CORIN: variants seen among roughly 807,000 people sequenced by gnomAD.
CORIN encodes corin, serine peptidase, also known as atrial natriuretic peptide-converting enzyme.
Under a neutral mutation model 125.3 loss-of-function variants are expected in CORIN, and 117 were observed. That is an observed-to-expected ratio of 0.93 (90% CI 0.80 to 1.09). CORIN has a LOEUF of 1.09. CORIN is among the 50% of genes least tolerant of loss of function. The probability of loss-of-function intolerance (pLI) is 0.00; values close to 1 mark genes in which losing one functional copy is unlikely to be tolerated. For synonymous variants in CORIN, 450 were observed against 466.4 expected, an observed-to-expected ratio of 0.96 and a Z score of 0.45; for missense variants, 1,253 against 1,306.7, an observed-to-expected ratio of 0.96 and a Z score of 0.63.
chr4:47,833,064 C>A (rs931658041), intron 1 of CORIN, among the ~76,000 whole-genome samples: 31 of 151,954 alleles, frequency 2.0e-4, no homozygotes, highest in African/African-American at 7.2e-4. Flanking sequence ...TAGGATGAGA[C>A]TGGATCCTCA....
At chr4:47,653,476 T>A in intron 13 of CORIN, 77 bp downstream of exon 13, 1 of 1,169,976 alleles carries the variant, frequency 8.5e-7, no homozygotes, top group Non-Finnish European at 1.3e-6. Flanking sequence ...GTGAATAGTT[T>A]CCATTTTTAA....
chr4:47,705,836 G>A (rs1289711093), intron 5 of CORIN, among the ~76,000 whole-genome samples: 1 of 150,082 alleles, frequency 6.7e-6, no homozygotes, highest in East Asian at 1.9e-4. Flanking sequence ...TAAAATATTT[G>A]TGAAGTGCCC....
Position 47,838,020 on chromosome 4 carries a change from C to CCG in CORIN, c.-72_-71insCG. On this transcript the variant is annotated 5_prime_UTR_variant, in exon 1 of 22. Coordinates refer to ENST00000273857, the MANE Select transcript of CORIN (RefSeq NM_006587.4). ...GCTTTTCTCTCCTCTACGTGTCCCC[C>CCG]GGGGAGGCACTACGGATGATTTTCT... 6.3e-7 allele frequency: 1 copy of CCG among 1,593,324 alleles called. No individual in the cohort carries two copies. Among genetic ancestry groups the CCG allele is most frequent in the South Asian group, 1.1e-5 (1 of 90,342 alleles).
intron 12 of CORIN, 28 bp downstream of exon 12, chr4:47,661,683 C>T: frequency 1.9e-6 from 3 of 1,583,596 alleles, no homozygotes; most frequent in South Asian, 1.2e-5. Flanking sequence ...ATGTTAGATA[C>T]CCTGCTGTAA....
chr4:47,669,328 T>C (rs1157269638), intron 10 of CORIN, among the ~76,000 whole-genome samples: 1 of 152,180 alleles, frequency 6.6e-6, no homozygotes, highest in Non-Finnish European at 1.5e-5. Flanking sequence ...ACATGAAAAA[T>C]GTGACTTTTC....
At chr4:47,689,953 A>G (rs1189957450) in intron 6 of CORIN, among the ~76,000 whole-genome samples, 1 of 152,192 alleles carries the variant, frequency 6.6e-6, no homozygotes, top group Non-Finnish European at 1.5e-5. Flanking sequence ...ACAGAGGTAG[A>G]CATTTCTAAA....
At chr4:47,625,879 A>C (rs2109562188) in intron 17 of CORIN, among the ~76,000 whole-genome samples, 1 of 152,274 alleles carries the variant, frequency 6.6e-6, no homozygotes, top group East Asian at 1.9e-4. Flanking sequence ...AGTAAGTGTA[A>C]ATTTCCTCAA....
intron 5 of CORIN, among the ~76,000 whole-genome samples, chr4:47,715,889 T>C (rs1218311469): frequency 2.0e-5 from 3 of 152,214 alleles, no homozygotes; most frequent in Non-Finnish European, 2.9e-5. Flanking sequence ...TGGAACGGGT[T>C]GGCAAAGGAA....
chr4:47,668,522 T>C (rs1246760278), intron 10 of CORIN, among the ~76,000 whole-genome samples: 1 of 152,230 alleles, frequency 6.6e-6, no homozygotes, highest in African/African-American at 2.4e-5. Flanking sequence ...GCTCTAACTC[T>C]ATGCTTTTTT....
intron 16 of CORIN, chr4:47,632,256 A>C (rs1560481090): frequency 6.6e-6 from 1 of 152,194 alleles, no homozygotes; most frequent in Non-Finnish European, 1.5e-5. Flanking sequence ...TCTTCCATCT[A>C]TTGATGGGGG....
intron 5 of CORIN, among the ~76,000 whole-genome samples, chr4:47,704,097 C>T (rs773317848): frequency 6.2e-4 from 94 of 152,306 alleles, no homozygotes; most frequent in Admixed American, 2.6e-3. Flanking sequence ...TGGATTCTTT[C>T]TCCCAGGCTC....
chr4:47,836,909 C>G (rs1992326), intron 1 of CORIN, among the ~76,000 whole-genome samples: 49,281 of 152,182 alleles, frequency 0.32, 9,770 homozygotes, highest in Non-Finnish European at 0.44. Flanking sequence ...CTAGCGTCAC[C>G]GGTCGGTCCC....
In CORIN at chr4:47,626,423, T is replaced by G. The variant is rs1483333224; in HGVS notation, c.2297A>C (p.His766Pro). Residue 766 changes from histidine to proline, a missense_variant, in exon 17 of 22, where the codon CAT becomes CCT. Physicochemically the swap from His to Pro is moderately conservative, Grantham distance 77 (BLOSUM62 -2). Transcript: ENST00000273857. ...TTCTTACCCATTTACTAGAAGTTCATGTAAAGTGGTCCCATTGAGGCTCTC... is the reference window on the plus strand; with the variant it reads ...TTCTTACCCATTTACTAGAAGTTCAGGTAAAGTGGTCCCATTGAGGCTCTC... Reference protein sequence around the residue: ...NWESLNGTTLHELLVNGQSCE... With the variant: ...NWESLNGTTLPELLVNGQSCE... The G allele has an allele frequency of 1.2e-6, 2 of 1,605,908 alleles. No individual in the cohort carries two copies. Among genetic ancestry groups the G allele is most frequent in the Non-Finnish European group, 1.7e-6 (2 of 1,172,656 alleles).
intron 5 of CORIN, chr4:47,706,526 G>C (rs1726565494): frequency 6.2e-7 from 1 of 1,611,398 alleles, no homozygotes; most frequent in Non-Finnish European, 8.5e-7. Flanking sequence ...CGCCAACTGG[G>C]CTACAAGGCC....
intron 5 of CORIN, among the ~76,000 whole-genome samples, chr4:47,699,947 G>A (rs938489842): frequency 3.3e-5 from 5 of 152,152 alleles, no homozygotes; most frequent in African/African-American, 1.2e-4. Context: ...TAAAATGGTA[G>A]GTTTTAGAAG....
chr4:47,653,712 T>G (rs1226535321), intron 12 of CORIN, 52 bp from the exon 13 acceptor site: 1 of 1,447,248 alleles, frequency 6.9e-7, no homozygotes, highest in South Asian at 1.2e-5. Context: ...AAACATCAGC[T>G]AATTTATGTA....
intron 6 of CORIN, among the ~76,000 whole-genome samples, chr4:47,692,497 G>C (rs1725813996): frequency 6.6e-6 from 1 of 151,886 alleles, no homozygotes; most frequent in South Asian, 2.1e-4. Flanking sequence ...TGAATCTACT[G>C]ATTAGTGGAT....
intron 11 of CORIN, among the ~76,000 whole-genome samples, chr4:47,664,135 C>T (rs1251987354): frequency 2.0e-5 from 3 of 152,178 alleles, no homozygotes; most frequent in Admixed American, 1.3e-4. Flanking sequence ...ATACCTACCC[C>T]TTGAGGGAAA....
At position 47,645,106 on chromosome 4, in the gene CORIN, AG is replaced by A; in HGVS notation, c.1931del (p.Pro644LeufsTer47). 1 of 1,609,316 alleles carries A rather than the reference AG, an allele frequency of 6.2e-7. No homozygotes were observed. Among genetic ancestry groups the A allele is most frequent in the African/African-American group, 1.3e-5 (1 of 74,890 alleles). On this transcript the variant is annotated frameshift_variant, in exon 14 of 22. Transcript: ENST00000273857. LOFTEE classifies it high-confidence loss of function. ...AGCAGTTTTTCTCGTCCATGTAATC[AG>A]GGCAGTCTGGGAACCCATCGCAGAT... is the stretch of plus-strand genomic sequence containing the variant. ...TVICDGFPDC[P>X]DYMDEKNCSF...
Sources: gnomAD v4.1 joint callset for allele counts (sites outside exome capture counted in the v4.1 genomes callset) on GRCh38, gnomAD v4.1.1 for gene constraint, MANE v1.5 for transcripts, NCBI Gene and HGNC (gene_info 2026-07-23, HGNC 2026-07-21) for gene names.